GAP43: variants seen among roughly 807,000 people sequenced by gnomAD.
The protein encoded by GAP43 is growth associated protein 43, also known as neuromodulin.
GAP43 carries 6 observed loss-of-function variants against 18.6 expected under a neutral mutation model. The ratio of observed to expected loss-of-function variants is 0.32; its 90% CI spans 0.18 to 0.64. GAP43 has a LOEUF of 0.64. Among genes scored for constraint, GAP43 ranks in the 30% least tolerant of loss-of-function variants. The pLI is 0.78. For missense variants in GAP43, 292 were observed against 295.5 expected (o/e 0.99, Z 0.09); for synonymous variants, 115 against 111.4 (o/e 1.03, Z -0.20).
chr3:115,626,132 G>A (rs938045524), intron 1 of GAP43, among the ~76,000 whole-genome samples: 3 of 152,192 alleles, frequency 2.0e-5, no homozygotes, highest in East Asian at 1.9e-4. Flanking sequence ...TAAGTCTCAC[G>A]CAGGTTGCCT....
chr3:115,695,339 C>T (rs1393566751), intron 2 of GAP43, among the ~76,000 whole-genome samples: 1 of 152,142 alleles, frequency 6.6e-6, no homozygotes, highest in Non-Finnish European at 1.5e-5. Flanking sequence ...GAAATTTCAT[C>T]ACAGTTGCTC....
At chr3:115,700,103 G>T (rs1055383704) in intron 2 of GAP43, among the ~76,000 whole-genome samples, 1 of 152,160 alleles carries the variant, frequency 6.6e-6, no homozygotes, top group African/African-American at 2.4e-5. Flanking sequence ...CCAGGAGCTG[G>T]CCTGGAGCTC....
intron 1 of GAP43, among the ~76,000 whole-genome samples, chr3:115,652,876 C>T (rs962195176): frequency 6.6e-6 from 1 of 152,190 alleles, no homozygotes; most frequent in African/African-American, 2.4e-5. Flanking sequence ...AATGTACTGA[C>T]AGGAGAATTT....
At chr3:115,633,947 G>T (rs906880952) in intron 1 of GAP43, among the ~76,000 whole-genome samples, 3 of 152,130 alleles carry the variant, frequency 2.0e-5, no homozygotes, top group African/African-American at 7.2e-5. Context: ...GAATGTTCTT[G>T]AATTAATTCC....
chr3:115,698,316 A>AAT (rs200763438), intron 2 of GAP43, among the ~76,000 whole-genome samples: 1,745 of 95,178 alleles, frequency 0.018, 115 homozygotes, highest in East Asian at 0.11. Flanking sequence ...AAATATATAT[A>AAT]ATATATATAT....
intron 1 of GAP43, among the ~76,000 whole-genome samples, chr3:115,633,498 C>G (rs774985779): frequency 6.6e-6 from 1 of 152,140 alleles, no homozygotes; most frequent in Non-Finnish European, 1.5e-5. Context: ...AGGAACTTAT[C>G]TCAAGTGTGG....
intron 2 of GAP43, among the ~76,000 whole-genome samples, chr3:115,698,137 T>TA (rs1709234124): frequency 2.8e-4 from 5 of 17,800 alleles, no homozygotes; most frequent in East Asian, 8.3e-3. Flanking sequence ...ATATAATATA[T>TA]ATAATATATA....
At chr3:115,645,773 A>G (rs1455263332) in intron 1 of GAP43, among the ~76,000 whole-genome samples, 1 of 151,888 alleles carries the variant, frequency 6.6e-6, no homozygotes, top group African/African-American at 2.4e-5. Flanking sequence ...CTATATTTGT[A>G]AAATGCTTAG....
At chr3:115,666,597 C>T (rs1337279381) in intron 1 of GAP43, among the ~76,000 whole-genome samples, 1 of 152,134 alleles carries the variant, frequency 6.6e-6, no homozygotes, top group Admixed American at 6.5e-5. Flanking sequence ...TGTGCATTAA[C>T]TCATTTGATT....
At chr3:115,693,569 C>T (rs1474171211) in intron 2 of GAP43, among the ~76,000 whole-genome samples, 1 of 152,132 alleles carries the variant, frequency 6.6e-6, no homozygotes, top group Non-Finnish European at 1.5e-5. Flanking sequence ...CTCAAATAAA[C>T]AGCATTAATG....
chr3:115,698,114 T>C (rs1162728299), intron 2 of GAP43, among the ~76,000 whole-genome samples: 1 of 26,992 alleles, frequency 3.7e-5, no homozygotes, highest in African/African-American at 8.5e-5. Flanking sequence ...ATAAAATATA[T>C]AATATATATT....
intron 1 of GAP43, among the ~76,000 whole-genome samples, chr3:115,650,248 G>C (rs181103490): frequency 6.6e-6 from 1 of 152,262 alleles, no homozygotes; most frequent in East Asian, 1.9e-4. Flanking sequence ...TTCGCTGGGT[G>C]TATTTCTATG....
chr3:115,653,802 G>A (rs897458416), intron 1 of GAP43, among the ~76,000 whole-genome samples: 8 of 151,956 alleles, frequency 5.3e-5, no homozygotes, highest in African/African-American at 1.7e-4. Flanking sequence ...CCAAATGTAG[G>A]TATTGCTATT....
chr3:115,642,307 T>G (rs1708407360), intron 1 of GAP43, among the ~76,000 whole-genome samples: 1 of 151,906 alleles, frequency 6.6e-6, no homozygotes, highest in African/African-American at 2.4e-5. Flanking sequence ...AGACACAATA[T>G]CTCCTCTAAT....
At chr3:115,635,896 C>G (rs1252230227) in intron 1 of GAP43, among the ~76,000 whole-genome samples, 1 of 152,108 alleles carries the variant, frequency 6.6e-6, no homozygotes, top group African/African-American at 2.4e-5. Context: ...TAGACCAAAT[C>G]TTTCAGCAAT....
intron 1 of GAP43, chr3:115,663,808 C>T (rs28399377): frequency 0.029 from 45,224 of 1,551,748 alleles, 924 homozygotes; most frequent in Admixed American, 0.077. Context: ...AATTATGCCA[C>T]CCCGCACTCC....
chr3:115,711,389 A>G (rs1277946966), intron 2 of GAP43, among the ~76,000 whole-genome samples: 1 of 152,170 alleles, frequency 6.6e-6, no homozygotes, highest in Non-Finnish European at 1.5e-5. Flanking sequence ...ATTTATGGCA[A>G]GCTCACAAGA....
intron 2 of GAP43, among the ~76,000 whole-genome samples, chr3:115,717,780 G>A (rs1377698284): frequency 6.7e-6 from 1 of 149,520 alleles, no homozygotes; most frequent in Non-Finnish European, 1.5e-5. Context: ...AAAATACTTT[G>A]AAGCATTTGA....
chr3:115,654,923 A>G (rs1258740356), intron 1 of GAP43, among the ~76,000 whole-genome samples: 1 of 152,180 alleles, frequency 6.6e-6, no homozygotes, highest in African/African-American at 2.4e-5. Context: ...GAATATGGAA[A>G]TTCACGGGGG....
Sources: gnomAD v4.1 joint callset for allele counts (sites outside exome capture counted in the v4.1 genomes callset) on GRCh38, gnomAD v4.1.1 for gene constraint, MANE v1.5 for transcripts, NCBI Gene and HGNC (gene_info 2026-07-23, HGNC 2026-07-21) for gene names.